Variants in SLC25A40 observed in about 807,000 individuals in gnomAD.
SLC25A40 encodes solute carrier family 25 member 40, also known as mitochondrial glutathione transporter SLC25A40.
In SLC25A40, 41 loss-of-function variants were observed where a neutral mutation model predicts 46.5. The ratio of observed to expected loss-of-function variants is 0.88; its 90% CI spans 0.69 to 1.14. SLC25A40 has a LOEUF of 1.14. Among genes scored for constraint, SLC25A40 ranks in the 50% most tolerant of loss-of-function variants. The pLI is 0.00. For synonymous variants in SLC25A40, 126 were observed against 127.5 expected (o/e 0.99, Z 0.08); for missense variants, 386 against 393.6 (o/e 0.98, Z 0.16).
intron 3 of SLC25A40, among the ~76,000 whole-genome samples, chr7:87,858,057 C>T (rs1378465818): frequency 6.6e-6 from 1 of 152,160 alleles, no homozygotes; most frequent in African/African-American, 2.4e-5. Context: ...GACTGAAATA[C>T]GCCCTGGTCT....
intron 1 of SLC25A40, among the ~76,000 whole-genome samples, chr7:87,866,985 T>C (rs2131021066): frequency 6.6e-6 from 1 of 151,752 alleles, no homozygotes; most frequent in East Asian, 1.9e-4. Flanking sequence ...TGGATGCGCC[T>C]TTTAAGCGCT....
intron 1 of SLC25A40, among the ~76,000 whole-genome samples, chr7:87,863,670 G>C (rs1450927396): frequency 6.6e-6 from 1 of 151,290 alleles, no homozygotes; most frequent in Non-Finnish European, 1.5e-5. Context: ...TCAAATCAGG[G>C]TAATTGGGAT....
chr7:87,871,860 G>A (rs936361258), intron 1 of SLC25A40, among the ~76,000 whole-genome samples: 11 of 152,166 alleles, frequency 7.2e-5, no homozygotes, highest in African/African-American at 2.7e-4. Flanking sequence ...GTAGATATAA[G>A]AATATTTAGG....
chr7:87,851,881 T>C (rs2131006372), intron 5 of SLC25A40, among the ~76,000 whole-genome samples: 1 of 152,160 alleles, frequency 6.6e-6, no homozygotes, highest in African/African-American at 2.4e-5. Context: ...TTCCAGTAAC[T>C]TACAAAGGAA....
At chr7:87,852,255 T>G (rs958211785) in intron 5 of SLC25A40, among the ~76,000 whole-genome samples, 1 of 152,020 alleles carries the variant, frequency 6.6e-6, no homozygotes, top group African/African-American at 2.4e-5. Context: ...CAAAGGAACT[T>G]TGGGAATAGC....
chr7:87,862,188 C>T (rs1429138367), intron 1 of SLC25A40, among the ~76,000 whole-genome samples: 3 of 152,134 alleles, frequency 2.0e-5, no homozygotes, highest in Non-Finnish European at 4.4e-5. Flanking sequence ...TTCTATTCTC[C>T]TATGTGCAGA....
intron 1 of SLC25A40, among the ~76,000 whole-genome samples, chr7:87,866,968 G>A (rs1838811657): frequency 6.6e-6 from 1 of 152,196 alleles, no homozygotes; most frequent in Admixed American, 6.5e-5. Flanking sequence ...CCGATGCTCT[G>A]GTCCCCTGGA....
intron 1 of SLC25A40, among the ~76,000 whole-genome samples, chr7:87,862,182 A>G (rs1055701957): frequency 2.0e-5 from 3 of 152,108 alleles, no homozygotes; most frequent in Non-Finnish European, 2.9e-5. Flanking sequence ...CCCACTTTCT[A>G]TTCTCCTATG....
At chr7:87,838,312 G>T (rs1263113299) in intron 10 of SLC25A40, among the ~76,000 whole-genome samples, 1 of 151,430 alleles carries the variant, frequency 6.6e-6, no homozygotes, top group African/African-American at 2.4e-5. Flanking sequence ...TTCTAATCTT[G>T]TAGAACTCAT....
chr7:87,866,177 T>C (rs1838795531), intron 1 of SLC25A40, among the ~76,000 whole-genome samples: 1 of 152,234 alleles, frequency 6.6e-6, no homozygotes, highest in Admixed American at 6.5e-5. Context: ...CACACGTTTT[T>C]TTCCTCCAGG....
intron 1 of SLC25A40, among the ~76,000 whole-genome samples, chr7:87,869,234 T>A (rs1247589468): frequency 6.6e-6 from 1 of 152,170 alleles, no homozygotes; most frequent in African/African-American, 2.4e-5. Context: ...AATTGAAAAC[T>A]CGCCCCTCTG....
At chr7:87,845,213 G>A (rs775527847) in intron 8 of SLC25A40, among the ~76,000 whole-genome samples, 1 of 152,140 alleles carries the variant, frequency 6.6e-6, no homozygotes, top group Non-Finnish European at 1.5e-5. Context: ...ATGCATACAT[G>A]AAAATGTTAT....
chr7:87,852,819 C>A (rs1011910605), intron 5 of SLC25A40, among the ~76,000 whole-genome samples: 2 of 152,106 alleles, frequency 1.3e-5, no homozygotes, highest in Non-Finnish European at 2.9e-5. Context: ...CCATAGGCAG[C>A]AACAACAAAC....
chr7:87,844,721 T>C (rs777343660), intron 8 of SLC25A40, among the ~76,000 whole-genome samples: 47 of 151,804 alleles, frequency 3.1e-4, no homozygotes, highest in Non-Finnish European at 5.9e-4. Context: ...AAAAAATCAA[T>C]TGCAACTGCA....
At chr7:87,873,429 CTTTT>C (rs573186397) in intron 1 of SLC25A40, among the ~76,000 whole-genome samples, 3 of 125,664 alleles carry the variant, frequency 2.4e-5, no homozygotes, top group African/African-American at 3.2e-5. Flanking sequence ...GAAAGGTTAA[CTTTT>C]TTTTTTTTTT....
At chr7:87,839,119 A>G (rs1838294825) in intron 10 of SLC25A40, among the ~76,000 whole-genome samples, 1 of 151,490 alleles carries the variant, frequency 6.6e-6, no homozygotes. Flanking sequence ...GTTCCAAAAT[A>G]ATACTCTTAC....
chr7:87,857,806 T>C (rs532856078), intron 3 of SLC25A40, among the ~76,000 whole-genome samples: 1 of 152,292 alleles, frequency 6.6e-6, no homozygotes, highest in Admixed American at 6.5e-5. Flanking sequence ...ATAACAGCGA[T>C]TTTAGGGAAC....
intron 3 of SLC25A40, among the ~76,000 whole-genome samples, chr7:87,857,944 C>T (rs975452868): frequency 6.6e-6 from 1 of 152,158 alleles, no homozygotes; most frequent in South Asian, 2.1e-4. Flanking sequence ...ATTTTCCTAG[C>T]AAGGAATATT....
At chr7:87,867,550 T>C (rs1262600989) in intron 1 of SLC25A40, among the ~76,000 whole-genome samples, 1 of 152,238 alleles carries the variant, frequency 6.6e-6, no homozygotes, top group Admixed American at 6.5e-5. Flanking sequence ...AAATCCTTGG[T>C]TGGAGAGCTC....
Sources: allele counts gnomAD v4.1 joint callset (sites outside exome capture counted in the v4.1 genomes callset), GRCh38; gene constraint gnomAD v4.1.1; transcripts MANE v1.5; gene names NCBI Gene and HGNC (gene_info 2026-07-23, HGNC 2026-07-21).